Variants in WT1 observed in about 807,000 individuals in gnomAD.
WT1 encodes the protein WT1 transcription factor, also known as Wilms tumor protein.
In WT1, 8 loss-of-function variants were observed where a neutral mutation model predicts 60.8. The ratio of observed to expected loss-of-function variants is 0.13; its 90% CI spans 0.08 to 0.24. The LOEUF (loss-of-function observed/expected upper bound fraction) is 0.24. Among genes scored for constraint, WT1 ranks in the 10% least tolerant of loss-of-function variants. The probability of loss-of-function intolerance (pLI) is 1.00; values close to 1 mark genes in which losing one functional copy is unlikely to be tolerated. For missense variants in WT1, 568 were observed against 711.8 expected (o/e 0.80, Z 2.30); for synonymous variants, 312 against 297.1 (o/e 1.05, Z -0.52).
At chr11:32,401,816 A>T (rs770735927) in intron 5 of WT1, among the ~76,000 whole-genome samples, 14 of 152,190 alleles carry the variant, frequency 9.2e-5, no homozygotes, top group Non-Finnish European at 1.5e-4. Flanking sequence ...CGGGGATTAC[A>T]GGTGTGAGCT....
At chr11:32,389,712 T>C (rs559768580) in intron 9 of WT1, among the ~76,000 whole-genome samples, 9 of 152,252 alleles carry the variant, frequency 5.9e-5, no homozygotes, top group African/African-American at 1.9e-4. Context: ...AAATCACTGA[T>C]ACCAGTTTAC....
At chr11:32,392,128 C>A (rs2132916028) in intron 8 of WT1, 64 bp from the exon 9 acceptor site, 1 of 1,465,616 alleles carries the variant, frequency 6.8e-7, no homozygotes, top group South Asian at 1.1e-5. Flanking sequence ...GCCCACAAGG[C>A]TGACTTCCGG....
chr11:32,411,370 G>T (rs1852493577), intron 5 of WT1, among the ~76,000 whole-genome samples: 1 of 152,188 alleles, frequency 6.6e-6, no homozygotes, highest in Non-Finnish European at 1.5e-5. Flanking sequence ...TTTTCAAGAA[G>T]TCAAAGCTAT....
Position 32,435,343 on chromosome 11 carries a change from C to A in WT1, c.18G>T (p.Leu6=), listed in dbSNP as rs1853484540. ...GGACACACGTGGAAGCCGGGTCCTG[C>A]AGCAAGAGGAAGTCCAGGATCGCGG... The change falls in exon 1 of 10, where the codon CTG becomes CTT. Residue 6 remains leucine (L), a synonymous_variant. Coordinates refer to ENST00000452863, the MANE Select transcript of WT1 (RefSeq NM_024426.6). The A allele has an allele frequency of 6.5e-7, 1 of 1,530,210 alleles. No individual in the cohort carries two copies. Among genetic ancestry groups the A allele is most frequent in the Non-Finnish European group, 8.7e-7 (1 of 1,145,828 alleles). The allele number at this position is 1,530,210 out of a possible 1,614,324, so 94.8% of individuals were successfully genotyped here.
chr11:32,419,423 G>T (rs1176426109), intron 3 of WT1, among the ~76,000 whole-genome samples: 2 of 152,152 alleles, frequency 1.3e-5, no homozygotes, highest in African/African-American at 4.8e-5. Context: ...TTTAAAAATT[G>T]TTCACCAACT....
intron 5 of WT1, among the ~76,000 whole-genome samples, chr11:32,411,816 C>G (rs1852506930): frequency 6.6e-6 from 1 of 152,112 alleles, no homozygotes; most frequent in Non-Finnish European, 1.5e-5. Flanking sequence ...CCCTGGAGTC[C>G]CATTCTTCGT....
At chr11:32,434,645 G>T (rs1853427286) in intron 1 of WT1, 55 bp downstream of exon 1, 1 of 1,611,112 alleles carries the variant, frequency 6.2e-7, no homozygotes, top group Non-Finnish European at 8.5e-7. Flanking sequence ...TCCTAGAGCG[G>T]AGAGTCCCTG....
intron 7 of WT1, among the ~76,000 whole-genome samples, chr11:32,395,986 A>T (rs577273346): frequency 5.7e-4 from 87 of 152,246 alleles, no homozygotes; most frequent in African/African-American, 2.0e-3. Flanking sequence ...CACCAACACG[A>T]TTCCTACACA....
chr11:32,391,112 A>G (rs780818031), intron 9 of WT1, among the ~76,000 whole-genome samples: 58 of 151,958 alleles, frequency 3.8e-4, no homozygotes, highest in Admixed American at 8.5e-4. Context: ...CCTCCCCCAA[A>G]TAGCTGGGAC....
At chr11:32,397,750 AG>A (rs1175055232) in intron 6 of WT1, among the ~76,000 whole-genome samples, 23 of 152,200 alleles carry the variant, frequency 1.5e-4, no homozygotes, top group African/African-American at 5.5e-4. Context: ...CTGCACTGAA[AG>A]GTCATTTTCT....
At chr11:32,408,900 T>C (rs1194109712) in intron 5 of WT1, among the ~76,000 whole-genome samples, 1 of 152,222 alleles carries the variant, frequency 6.6e-6, no homozygotes, top group African/African-American at 2.4e-5. Flanking sequence ...GAACCACAGA[T>C]TGCTGGACTT....
chr11:32,409,723 A>G (rs1163450858), intron 5 of WT1, among the ~76,000 whole-genome samples: 1 of 151,876 alleles, frequency 6.6e-6, no homozygotes, highest in Non-Finnish European at 1.5e-5. Context: ...TGAGATTACA[A>G]GCATGAGCCA....
intron 3 of WT1, among the ~76,000 whole-genome samples, chr11:32,427,581 C>T (rs893528858): frequency 5.9e-5 from 9 of 152,136 alleles, no homozygotes; most frequent in African/African-American, 1.7e-4. Context: ...GTAGTCTGGC[C>T]GGTGTGGCCA....
rs534172168 is a variant in WT1 at position 32,430,576 on chromosome 11, G to T, written c.662-1957C>A. 15 of 1,608,550 alleles carry T rather than the reference G, an allele frequency of 9.3e-6. No homozygotes were observed. The African/African-American group carries it at 1.9e-4, about 20-fold the overall frequency. ...GGAGTAGGCAGGGACCCAGGGCACT[G>T]CACAATCCTCAGAGCCCTGCTCCGC... On this transcript the variant is annotated intron_variant, in intron 1 of 9. Transcript: ENST00000452863.
rs1853375624 is a variant in WT1 at position 32,433,431 on chromosome 11, C to A, written c.661+1269G>T. 2.0e-5 allele frequency among the ~76,000 whole-genome samples: 3 copies of A among 152,212 alleles called. No individual in the cohort carries two copies. In the South Asian group the frequency reaches 6.2e-4, roughly 31 times the overall value. On this transcript the variant is annotated intron_variant, in intron 1 of 9. Coordinates refer to ENST00000452863, the MANE Select transcript of WT1 (RefSeq NM_024426.6). The stretch of plus-strand genomic sequence containing the variant: ...CCTGAAGACGCGCGTTTAGAAGGCG[C>A]GGGTGAAGGCGGGCAACAAGGGCAG...
chr11:32,419,831 C>T (rs7115190), intron 3 of WT1, among the ~76,000 whole-genome samples: 70,595 of 152,082 alleles, frequency 0.46, 19,583 homozygotes, highest in African/African-American at 0.76. Context: ...GTAGCTGGGA[C>T]TACAGGCATC....
intron 6 of WT1, among the ~76,000 whole-genome samples, chr11:32,396,848 G>A (rs1851990363): frequency 6.6e-6 from 1 of 152,154 alleles, no homozygotes; most frequent in African/African-American, 2.4e-5. Context: ...CAATGGGTGG[G>A]GACATCCTTA....
At chr11:32,428,965 G>A (rs1853167708) in intron 1 of WT1, 2 of 378,464 alleles carry the variant, frequency 5.3e-6, no homozygotes, top group South Asian at 2.3e-5. Flanking sequence ...AGAGAAGGTT[G>A]TTCACCCCCC....
intron 8 of WT1, 66 bp downstream of exon 8, chr11:32,392,600 G>T (rs1851849695): frequency 1.4e-6 from 2 of 1,473,582 alleles, no homozygotes; most frequent in African/African-American, 1.4e-5. Flanking sequence ...ACAACAAAGA[G>T]AATCATGAAA....
Sources: gnomAD v4.1 joint callset for allele counts (sites outside exome capture counted in the v4.1 genomes callset) on GRCh38, gnomAD v4.1.1 for gene constraint, MANE v1.5 for transcripts, NCBI Gene and HGNC (gene_info 2026-07-23, HGNC 2026-07-21) for gene names.